The following MAP2K4 variants were observed in gnomAD, a reference collection of about 807,000 sequenced individuals.
The protein encoded by MAP2K4 is dual specificity mitogen-activated protein kinase kinase 4.
A neutral mutation model predicts 48.5 loss-of-function variants in MAP2K4; 4 were observed. That is an observed-to-expected ratio of 0.08 (90% confidence interval 0.04 to 0.19). The LOEUF is 0.19. Ranked by LOEUF, MAP2K4 falls within the 10% of genes least tolerant of loss-of-function variation. The pLI is 1.00. For missense variants in MAP2K4, 258 were observed against 493.3 expected, an observed-to-expected ratio of 0.52 and a Z score of 4.52; for synonymous variants, 166 against 173.1, an observed-to-expected ratio of 0.96 and a Z score of 0.32.
chr17:12,103,534 G>A (rs1185465332), intron 4 of MAP2K4, among the ~76,000 whole-genome samples: 3 of 151,946 alleles, frequency 2.0e-5, no homozygotes, highest in African/African-American at 7.2e-5. Context: ...AATTACAGAG[G>A]AGAAACAGCT....
intron 1 of MAP2K4, among the ~76,000 whole-genome samples, chr17:12,027,469 A>G (rs1201972604): frequency 1.3e-5 from 2 of 152,132 alleles, no homozygotes; most frequent in Admixed American, 6.6e-5. Context: ...GTTGCCAGAC[A>G]TATATATCTG....
At chr17:12,026,541 T>C (rs1179969146) in intron 1 of MAP2K4, among the ~76,000 whole-genome samples, 1 of 152,222 alleles carries the variant, frequency 6.6e-6, no homozygotes, top group Non-Finnish European at 1.5e-5. Context: ...TAAAGGTAAG[T>C]GGACATAGTC....
intron 2 of MAP2K4, among the ~76,000 whole-genome samples, chr17:12,058,548 T>C (rs566631864): frequency 5.3e-5 from 8 of 152,350 alleles, no homozygotes; most frequent in Admixed American, 1.3e-4. Flanking sequence ...TTTAAACCTT[T>C]TATTATGGAA....
chr17:12,092,442 C>A (rs1426744705), intron 3 of MAP2K4, among the ~76,000 whole-genome samples: 1 of 152,130 alleles, frequency 6.6e-6, no homozygotes, highest in Non-Finnish European at 1.5e-5. Flanking sequence ...TCACTTGATT[C>A]AAATGTAGAA....
intron 2 of MAP2K4, chr17:12,069,859 A>T: frequency 2.7e-6 from 1 of 371,566 alleles, no homozygotes; most frequent in Non-Finnish European, 5.2e-6. Flanking sequence ...GGTATGTCTT[A>T]CCTTTATTTT....
At chr17:12,029,361 T>C (rs1483397392) in intron 1 of MAP2K4, among the ~76,000 whole-genome samples, 1 of 152,198 alleles carries the variant, frequency 6.6e-6, no homozygotes, top group African/African-American at 2.4e-5. Context: ...TTATTCTTGA[T>C]ATTTATTCTA....
chr17:12,107,969 A>T, intron 5 of MAP2K4, 60 bp downstream of exon 5: 1 of 1,366,122 alleles, frequency 7.3e-7, no homozygotes, highest in South Asian at 1.7e-5. Context: ...ATGCTGCTGG[A>T]GTTTTGAATG....
intron 2 of MAP2K4, among the ~76,000 whole-genome samples, chr17:12,074,744 C>T (rs1970941102): frequency 6.6e-6 from 1 of 152,142 alleles, no homozygotes. Context: ...TCCCTAGATT[C>T]CCAGATCCTT....
rs556738187 is a variant in MAP2K4, at chr17:12,101,792, G to A, written c.514-5998G>A. ...TGTATAATATTTTTAATGCTAATAC[G>A]TATTTTTAAATTTAATTTTCTCATG... On this transcript the variant is annotated intron_variant, in intron 4 of 10. Transcript: ENST00000353533. Among the ~76,000 whole-genome samples the A allele has an allele frequency of 3.9e-5, 6 of 152,006 alleles. No individual in the cohort carries two copies. In the East Asian group the frequency reaches 5.8e-4, roughly 15 times the overall value.
intron 1 of MAP2K4, 139 bp from the exon 2 acceptor site, chr17:12,054,750 T>G (rs1012312424): frequency 2.8e-5 from 14 of 505,980 alleles, no homozygotes; most frequent in African/African-American, 2.5e-4. Context: ...AATTCCTCAT[T>G]GCCTTTCAAA....
chr17:12,023,935 A>G (rs950062642), intron 1 of MAP2K4, among the ~76,000 whole-genome samples: 1 of 152,216 alleles, frequency 6.6e-6, no homozygotes, highest in Admixed American at 6.5e-5. Context: ...CACATTAGCC[A>G]TCATTGTTAG....
intron 2 of MAP2K4, among the ~76,000 whole-genome samples, chr17:12,068,772 T>C (rs1034876185): frequency 5.5e-5 from 8 of 145,394 alleles, no homozygotes; most frequent in African/African-American, 7.3e-5. Context: ...ATATAGCGTG[T>C]GTGTATATGT....
At chr17:12,066,241 C>T (rs1431745176) in intron 2 of MAP2K4, among the ~76,000 whole-genome samples, 2 of 151,384 alleles carry the variant, frequency 1.3e-5, no homozygotes, top group African/African-American at 4.9e-5. Flanking sequence ...TCAGTAGTAC[C>T]TGCTTCTGGT....
At chr17:12,051,439 C>T (rs979063655) in intron 1 of MAP2K4, among the ~76,000 whole-genome samples, 2 of 152,108 alleles carry the variant, frequency 1.3e-5, no homozygotes, top group African/African-American at 2.4e-5. Flanking sequence ...GAGAATCTCT[C>T]GCAGGAAACC....
At chr17:12,089,631 C>G (rs1228626246) in intron 3 of MAP2K4, among the ~76,000 whole-genome samples, 1 of 152,132 alleles carries the variant, frequency 6.6e-6, no homozygotes. Flanking sequence ...TACAGGTGTA[C>G]CTGTGCAGCA....
chr17:12,036,955 G>A (rs1358546996), intron 1 of MAP2K4, among the ~76,000 whole-genome samples: 1 of 151,966 alleles, frequency 6.6e-6, no homozygotes, highest in Admixed American at 6.6e-5. Context: ...GAGTTCTGGA[G>A]CTCTAAATAT....
At position 12,141,710 on chromosome 17, in the gene MAP2K4, C is replaced by T. The variant is rs183470579; in HGVS notation, c.*450C>T. The T allele has an allele frequency of 2.7e-4, 65 of 238,076 alleles. No individual in the cohort carries two copies. Among genetic ancestry groups the T allele is most frequent in the African/African-American group, 3.3e-4 (15 of 45,558 alleles). 14.7% of individuals were successfully genotyped at this position (238,076 alleles called of 1,614,324 possible). A position where few individuals can be genotyped will look rare whatever the true frequency, so the allele number is the denominator to read the frequency against. On this transcript the variant is annotated 3_prime_UTR_variant, in exon 11 of 11. Coordinates refer to ENST00000353533, the MANE Select transcript of MAP2K4 (RefSeq NM_003010.4). Reference sequence around the variant, plus strand: ...GAGTGAGAAGAGCTTGCACAGCCAACGAGACACATTGCCTTCTGGAGCTGG... The same window carrying T: ...GAGTGAGAAGAGCTTGCACAGCCAATGAGACACATTGCCTTCTGGAGCTGG...
intron 3 of MAP2K4, among the ~76,000 whole-genome samples, chr17:12,082,814 C>A (rs991543504): frequency 3.3e-5 from 5 of 152,086 alleles, no homozygotes; most frequent in African/African-American, 1.2e-4. Context: ...GTATACAAAC[C>A]GTAGACCTCT....
chr17:12,054,350 TC>T (rs1970227192), intron 1 of MAP2K4, among the ~76,000 whole-genome samples: 1 of 152,164 alleles, frequency 6.6e-6, no homozygotes. Flanking sequence ...TGGTATCTCT[TC>T]CCTTCCTACC....
Sources: allele counts gnomAD v4.1 joint callset (sites outside exome capture counted in the v4.1 genomes callset), GRCh38; gene constraint gnomAD v4.1.1; transcripts MANE v1.5; gene names NCBI Gene and HGNC (gene_info 2026-07-23, HGNC 2026-07-21).